Variants in MEGF10 observed in about 807,000 individuals in gnomAD.
MEGF10 encodes multiple EGF like domains 10, also known as multiple epidermal growth factor-like domains protein 10.
Under a neutral mutation model 147.5 loss-of-function variants are expected in MEGF10, and 86 were observed. The observed-to-expected ratio is 0.58, with a 90% CI of 0.49 to 0.70. The LOEUF (loss-of-function observed/expected upper bound fraction) is 0.70, where lower values mean the gene tolerates loss of function less well. Among genes scored for constraint, MEGF10 ranks in the 30% least tolerant of loss-of-function variants. The pLI, the probability that MEGF10 is intolerant of heterozygous loss-of-function variation, is 0.00. For synonymous variants in MEGF10, 478 were observed against 525.5 expected (o/e 0.91, Z 1.24); for missense variants, 1,329 against 1,487.3 (o/e 0.89, Z 1.75).
upstream of MEGF10, among the ~76,000 whole-genome samples, chr5:127,285,986 A>G (rs1021292021): frequency 5.3e-5 from 8 of 152,146 alleles, no homozygotes; most frequent in African/African-American, 1.9e-4. Flanking sequence ...GCCATAAAAA[A>G]TTGGAATCGT....
At chr5:127,331,466 G>A in intron 2 of MEGF10, 42 bp downstream of exon 2, 2 of 1,147,166 alleles carry the variant, frequency 1.7e-6, no homozygotes, top group East Asian at 2.3e-5. Flanking sequence ...TTGCTGAGAA[G>A]TTCCCTTATA....
rs985552361 is a variant in MEGF10 at position 127,455,282 on chromosome 5, T to C, written c.3026-119T>C. The C allele has an allele frequency of 1.7e-5, 15 of 864,190 alleles. No individual in the cohort carries two copies. The African/African-American group carries it at 2.2e-4, about 13-fold the overall frequency. The allele number at this position is 864,190 out of a possible 1,614,324, so 53.5% of individuals were successfully genotyped here. ...CAAAACAAGTGGAAAAGGTACAGTATTATTTTCAGTGTGTAGAATTATGGA... is the reference window on the plus strand; with the variant it reads ...CAAAACAAGTGGAAAAGGTACAGTACTATTTTCAGTGTGTAGAATTATGGA... On this transcript the variant is annotated intron_variant, in intron 23 of 24. Transcript: ENST00000503335.
chr5:127,250,362 T>C, the MEGF10 span, among the ~76,000 whole-genome samples: 1 of 151,766 alleles, frequency 6.6e-6, no homozygotes, highest in Non-Finnish European at 1.5e-5. Context: ...CACAAGAAAA[T>C]CCATTAATAT....
Position 127,410,424 on chromosome 5 carries a change from T to C in MEGF10, c.953T>C (p.Val318Ala). ...GAGTGTCCTGTTGGGACCTATGGCGTTCTCTGTGCTGAGACCTGCCAGTGT... is the reference window on the plus strand; with the variant it reads ...GAGTGTCCTGTTGGGACCTATGGCGCTCTCTGTGCTGAGACCTGCCAGTGT... ...QDECPVGTYG[V>A]LCAETCQCVN... The change falls in exon 9 of 25, where the codon GTT becomes GCT. Residue 318 changes from valine to alanine, a missense_variant. Val to Ala is a moderately conservative substitution (Grantham distance 64). Coordinates refer to ENST00000503335, the MANE Select transcript of MEGF10 (RefSeq NM_001256545.2). 6.2e-7 allele frequency: 1 copy of C among 1,614,262 alleles called. No homozygotes were observed.
chr5:127,286,879 G>A (rs893728759), upstream of MEGF10, among the ~76,000 whole-genome samples: 3 of 151,842 alleles, frequency 2.0e-5, no homozygotes, highest in African/African-American at 7.2e-5. Context: ...TAATTTTAAT[G>A]AGTATAGACA....
At chr5:127,354,414 A>G (rs1762200777) in intron 4 of MEGF10, among the ~76,000 whole-genome samples, 1 of 152,158 alleles carries the variant, frequency 6.6e-6, no homozygotes, top group African/African-American at 2.4e-5. Context: ...TTAGACTGGA[A>G]TTAACAAAAA....
the MEGF10 span, among the ~76,000 whole-genome samples, chr5:127,237,359 G>T: frequency 4.6e-5 from 7 of 152,148 alleles, no homozygotes; most frequent in African/African-American, 1.7e-4. Context: ...GGGCGTGGTG[G>T]TGGGTGCCTA....
At chr5:127,450,106 C>T (rs1047006780) in intron 22 of MEGF10, among the ~76,000 whole-genome samples, 2 of 152,210 alleles carry the variant, frequency 1.3e-5, no homozygotes, top group African/African-American at 4.8e-5. Flanking sequence ...ATCATGTCTG[C>T]TTTTACGTTC....
intron 12 of MEGF10, among the ~76,000 whole-genome samples, chr5:127,420,807 G>T (rs1017175573): frequency 2.0e-5 from 3 of 152,076 alleles, no homozygotes; most frequent in Non-Finnish European, 4.4e-5. Context: ...GTGCAAACGG[G>T]AAGTGCATTC....
intron 13 of MEGF10, among the ~76,000 whole-genome samples, chr5:127,426,094 C>T (rs1173203816): frequency 6.6e-6 from 1 of 152,160 alleles, no homozygotes; most frequent in Non-Finnish European, 1.5e-5. Flanking sequence ...TCAGGAGGGC[C>T]TTGTTCCTCT....
chr5:127,302,309 A>C (rs1372617229), intron 1 of MEGF10, among the ~76,000 whole-genome samples: 1 of 152,218 alleles, frequency 6.6e-6, no homozygotes, highest in Non-Finnish European at 1.5e-5. Flanking sequence ...TGAAGTATGT[A>C]TGATACATGC....
intron 1 of MEGF10, among the ~76,000 whole-genome samples, chr5:127,316,275 T>C (rs1458154928): frequency 2.6e-5 from 4 of 152,158 alleles, no homozygotes; most frequent in Non-Finnish European, 5.9e-5. Flanking sequence ...TCAGCTGATA[T>C]GAATACCATG....
chr5:127,353,342 C>A (rs979982540), intron 4 of MEGF10, among the ~76,000 whole-genome samples: 12 of 152,224 alleles, frequency 7.9e-5, no homozygotes, highest in African/African-American at 2.9e-4. Context: ...GGTTTCCAAA[C>A]ACATCTTTGA....
chr5:127,397,419 T>C (rs752643103), intron 6 of MEGF10, among the ~76,000 whole-genome samples: 36 of 152,356 alleles, frequency 2.4e-4, no homozygotes, highest in Non-Finnish European at 4.3e-4. Context: ...CTCCACTGTC[T>C]TTATTTTGTT....
chr5:127,411,506 C>T (rs532987366), intron 9 of MEGF10, among the ~76,000 whole-genome samples: 1 of 152,312 alleles, frequency 6.6e-6, no homozygotes, highest in East Asian at 1.9e-4. Context: ...TGGTTGGTCT[C>T]TTCTTTAAAC....
At chr5:127,400,887 A>G (rs1392383145) in intron 7 of MEGF10, among the ~76,000 whole-genome samples, 1 of 152,066 alleles carries the variant, frequency 6.6e-6, no homozygotes, top group Non-Finnish European at 1.5e-5. Flanking sequence ...TGTGTAGCTG[A>G]GCTTTCAATT....
chr5:127,275,664 C>T, the MEGF10 span, among the ~76,000 whole-genome samples: 1 of 152,234 alleles, frequency 6.6e-6, no homozygotes, highest in South Asian at 2.1e-4. Context: ...CACAGAAATA[C>T]ACTTCTCAGG....
intron 5 of MEGF10, among the ~76,000 whole-genome samples, chr5:127,379,459 A>G (rs79713470): frequency 0.035 from 5,357 of 151,944 alleles, 140 homozygotes; most frequent in Non-Finnish European, 0.053. Context: ...TCATTCTTCT[A>G]CCTTTCAGGA....
intron 16 of MEGF10, among the ~76,000 whole-genome samples, chr5:127,436,922 G>T (rs977773268): frequency 2.0e-5 from 3 of 152,216 alleles, no homozygotes; most frequent in East Asian, 3.8e-4. Context: ...ACTTAAAGGG[G>T]TACATTTAAA....
Sources: gnomAD v4.1 joint callset for allele counts (sites outside exome capture counted in the v4.1 genomes callset) on GRCh38, gnomAD v4.1.1 for gene constraint, MANE v1.5 for transcripts, NCBI Gene and HGNC (gene_info 2026-07-23, HGNC 2026-07-21) for gene names.